The following MYH14 variants were observed in gnomAD, a reference collection of about 807,000 sequenced individuals.
MYH14 encodes the protein myosin-14.
MYH14 carries 123 observed loss-of-function variants against 255.5 expected under a neutral mutation model. The ratio of observed to expected loss-of-function variants is 0.48; its 90% CI spans 0.42 to 0.56. The LOEUF (loss-of-function observed/expected upper bound fraction) is 0.56, where lower values mean the gene tolerates loss of function less well. Ranked by LOEUF, MYH14 falls within the 20% of genes least tolerant of loss-of-function variation. MYH14 has a pLI of 0.00. For synonymous variants in MYH14, 1,095 were observed against 1,161.2 expected, an observed-to-expected ratio of 0.94 and a Z score of 1.16; for missense variants, 2,423 against 2,802.3, an observed-to-expected ratio of 0.86 and a Z score of 3.06.
intron 10 of MYH14, among the ~76,000 whole-genome samples, chr19:50,236,382 CT>C (rs1302609007): frequency 6.6e-6 from 1 of 151,404 alleles, no homozygotes; most frequent in Non-Finnish European, 1.5e-5. Flanking sequence ...TTCTTGTGCT[CT>C]TGTGGAAACA....
Position 50,233,822 on chromosome 19 carries a change from C to G in MYH14, c.1114+1752C>G, listed in dbSNP as rs1465952825. On this transcript the variant is annotated intron_variant, in intron 10 of 42. Transcript: ENST00000642316. ...CCCCCTCCCCCCTCCCCCCGACCCC[C>G]CCGCCCCAACCTTTTTGTTTTTTTG... Among the ~76,000 whole-genome samples the G allele has an allele frequency of 2.2e-4, 15 of 67,400 alleles. No individual in the cohort carries two copies. In the South Asian group the frequency reaches 5.0e-3, roughly 23 times the overall value. 44.2% of individuals were successfully genotyped at this position (67,400 alleles called of 152,430 possible).
At position 50,289,724 on chromosome 19, in the gene MYH14, C is replaced by A. The variant is rs964053422; in HGVS notation, c.4965+76C>A. 37 of 1,367,044 alleles carry A rather than the reference C, an allele frequency of 2.7e-5. No individual in the cohort carries two copies. In the African/African-American group the frequency reaches 4.9e-4, roughly 18 times the overall value. The allele number at this position is 1,367,044 out of a possible 1,614,324, so 84.7% of individuals were successfully genotyped here. A position where few individuals can be genotyped will look rare whatever the true frequency, so the allele number is the denominator to read the frequency against. On this transcript the variant is annotated intron_variant, in intron 35 of 42. Transcript: ENST00000642316. The stretch of plus-strand genomic sequence containing the variant: ...TGGTGTGTACAGGCAGCAAGAAGGG[C>A]AGCAAGGGGTCTCCCCGACCCACCC...
chr19:50,308,535 G>A (rs116696947), intron 41 of MYH14: 1,788 of 155,128 alleles, frequency 0.012, 44 homozygotes, highest in African/African-American at 0.041. Flanking sequence ...AAGGCTGAAC[G>A]ATAAGAAATG....
rs1600966252 is a variant in MYH14 at position 50,260,752 on chromosome 19, T to TGC, written c.2424+38_2424+39insCG. The TGC allele has an allele frequency of 6.1e-6, 9 of 1,474,180 alleles. No individual in the cohort carries two copies. The African/African-American group carries it at 1.1e-4, about 18-fold the overall frequency. The allele number at this position is 1,474,180 out of a possible 1,614,324, so 91.3% of individuals were successfully genotyped here. On this transcript the variant is annotated intron_variant, in intron 20 of 42. Transcript: ENST00000642316. ...AGAGCCTGGAATGCGTGTGTGCGTG[T>TGC]GTGTGTGTGCGTGCATGAGTGTGCG...
chr19:50,238,889 T>C (rs184920230), intron 10 of MYH14, among the ~76,000 whole-genome samples: 1 of 152,302 alleles, frequency 6.6e-6, no homozygotes, highest in East Asian at 1.9e-4. Context: ...CATCAGCATG[T>C]ATTTCCTACG....
chr19:50,218,154 G>C (rs755597344), intron 3 of MYH14, among the ~76,000 whole-genome samples: 1 of 151,844 alleles, frequency 6.6e-6, no homozygotes, highest in Non-Finnish European at 1.5e-5. Context: ...GCACCACTGC[G>C]CCTGGCTAAG....
rs773027617 is a variant in MYH14 at position 50,217,642 on chromosome 19, A to G, written c.433A>G (p.Ile145Val). 1.2e-6 allele frequency: 2 copies of G among 1,613,804 alleles called. No individual in the cohort carries two copies. Among genetic ancestry groups the G allele is most frequent in the Non-Finnish European group, 1.7e-6 (2 of 1,179,838 alleles). The stretch of plus-strand genomic sequence containing the variant: ...GTACTCCGGCCTTTTCTGTGTGGTC[A>G]TCAACCCGTACAAGCAGCTTCCCAT... ...YTYSGLFCVV[I>V]NPYKQLPIYT... The change falls in exon 3 of 43, where the codon ATC becomes GTC. Residue 145 changes from isoleucine to valine, a missense_variant. Ile to Val is a conservative substitution (Grantham distance 29). Transcript: ENST00000642316.
intron 40 of MYH14, among the ~76,000 whole-genome samples, chr19:50,303,359 T>C (rs927229132): frequency 2.0e-5 from 3 of 152,206 alleles, no homozygotes; most frequent in African/African-American, 7.2e-5. Flanking sequence ...ATGTGGCCTC[T>C]CATCCTCCAG....
At chr19:50,233,819 C>T (rs1383963394) in intron 10 of MYH14, among the ~76,000 whole-genome samples, 1 of 70,352 alleles carries the variant, frequency 1.4e-5, no homozygotes, top group African/African-American at 5.0e-5. Flanking sequence ...TCCCCCCGAC[C>T]CCCCCGCCCC....
chr19:50,305,873 A>G (rs865988279), intron 40 of MYH14, among the ~76,000 whole-genome samples: 43 of 152,330 alleles, frequency 2.8e-4, no homozygotes, highest in African/African-American at 9.9e-4. Flanking sequence ...TTGAGGCTGC[A>G]GTGAGCCATG....
intron 39 of MYH14, among the ~76,000 whole-genome samples, chr19:50,300,580 C>G (rs1250155376): frequency 6.6e-6 from 1 of 152,018 alleles, no homozygotes; most frequent in Non-Finnish European, 1.5e-5. Context: ...GAAACCCCAT[C>G]TCTACAAAAA....
Position 50,309,085 on chromosome 19 carries a change from C to T in MYH14, c.5868C>T (p.Ala1956=), listed in dbSNP as rs190695624. 14,398 of 1,613,836 alleles carry T rather than the reference C, an allele frequency of 8.9e-3. 87 individuals carry two copies. The highest frequency in any genetic ancestry group is 0.01 in the Non-Finnish European group (11,998 of 1,179,796). ...EAEEEASRAQ[A]GRRRLQRELE... ...AGGAGGAGGCATCCCGGGCTCAGGC[C>T]GGCCGCCGGAGGCTGCAGCGTGAGC... The change falls in exon 42 of 43, where the codon GCC becomes GCT. Residue 1956 remains alanine (A), a synonymous_variant. Transcript: ENST00000642316.
intron 1 of MYH14, among the ~76,000 whole-genome samples, chr19:50,209,029 G>A (rs2031997404): frequency 6.6e-6 from 1 of 152,070 alleles, no homozygotes; most frequent in Non-Finnish European, 1.5e-5. Flanking sequence ...TGGCATGCCT[G>A]TTAATACATT....
chr19:50,259,290 C>G (rs1022575207), intron 19 of MYH14, 25 bp downstream of exon 19: 31 of 1,554,440 alleles, frequency 2.0e-5, no homozygotes, highest in Non-Finnish European at 2.7e-5. Flanking sequence ...GGGCCCAGGC[C>G]CGGCGGAGGG....
chr19:50,295,883 CG>C (rs1401792243), intron 39 of MYH14, among the ~76,000 whole-genome samples: 1 of 151,962 alleles, frequency 6.6e-6, no homozygotes, highest in East Asian at 1.9e-4. Flanking sequence ...GAGGCTGAGG[CG>C]GGTAGATCAT....
chr19:50,309,085 C>A lies in MYH14; in HGVS notation c.5868C>A (p.Ala1956=). The part of the protein sequence containing the change: ...EAEEEASRAQ[A]GRRRLQRELE... ...AGGAGGAGGCATCCCGGGCTCAGGCCGGCCGCCGGAGGCTGCAGCGTGAGC... is the reference window on the plus strand; with the variant it reads ...AGGAGGAGGCATCCCGGGCTCAGGCAGGCCGCCGGAGGCTGCAGCGTGAGC... The change falls in exon 42 of 43, where the codon GCC becomes GCA. Residue 1956 remains alanine, a synonymous_variant. Transcript: ENST00000642316. The A allele has an allele frequency of 6.2e-7, 1 of 1,613,844 alleles. No homozygotes were observed. Among genetic ancestry groups the A allele is most frequent in the South Asian group, 1.1e-5 (1 of 91,084 alleles).
chr19:50,276,322 C>A lies in MYH14; in HGVS notation c.3680+119C>A. The A allele has an allele frequency of 1.2e-6, 1 of 867,676 alleles. No homozygotes were observed. Among genetic ancestry groups the A allele is most frequent in the Non-Finnish European group, 1.7e-6 (1 of 584,584 alleles). The allele number at this position is 867,676 out of a possible 1,614,324, so 53.7% of individuals were successfully genotyped here. ...ACTTATTGTACAGTTGTTCATGAAC[C>A]ACCGGCTCTAGGTCCGGCCTGGGTC... On this transcript the variant is annotated intron_variant, in intron 28 of 42. Transcript: ENST00000642316. This position sits in a 1 kb window ranked among gnomAD's most constrained non-coding sequence, Gnocchi z 4.3.
chr19:50,299,710 C>T (rs1030756880), intron 39 of MYH14, among the ~76,000 whole-genome samples: 4 of 151,782 alleles, frequency 2.6e-5, no homozygotes, highest in African/African-American at 4.8e-5. Flanking sequence ...TTTGGGAGAC[C>T]GAGGTGGGTG....
chr19:50,259,276 G>A lies in MYH14; in HGVS notation c.2354+11G>A. 1.3e-6 allele frequency: 2 copies of A among 1,564,766 alleles called. No homozygotes were observed. Among genetic ancestry groups the A allele is most frequent in the Non-Finnish European group, 1.7e-6 (2 of 1,154,344 alleles). ...GGAGTTCCGGCAGCGGTGAGCTAGA[G>A]CGAGGGCCCAGGCCCGGCGGAGGGG... On this transcript the variant is annotated intron_variant, in intron 19 of 42. Coordinates refer to ENST00000642316, the MANE Select transcript of MYH14 (RefSeq NM_001145809.2).
Sources: allele counts gnomAD v4.1 joint callset (sites outside exome capture counted in the v4.1 genomes callset), GRCh38; gene constraint gnomAD v4.1.1; non-coding constraint Gnocchi (gnomAD v3.1); transcripts MANE v1.5; gene names NCBI Gene and HGNC (gene_info 2026-07-23, HGNC 2026-07-21).